The following USP32 variants were observed in gnomAD, a reference collection of about 807,000 sequenced individuals.
The protein encoded by USP32 is ubiquitin specific peptidase 32, also known as ubiquitin carboxyl-terminal hydrolase 32.
A neutral mutation model predicts 204.8 loss-of-function variants in USP32; 59 were observed. The ratio of observed to expected loss-of-function variants is 0.29; its 90% confidence interval spans 0.23 to 0.36. The LOEUF is 0.36. Among genes scored for constraint, USP32 ranks in the 10% least tolerant of loss-of-function variants. The pLI, the probability that USP32 is intolerant of heterozygous loss-of-function variation, is 1.00. For synonymous variants in USP32, 517 were observed against 678.4 expected, an observed-to-expected ratio of 0.76 and a Z score of 3.70; for missense variants, 1,160 against 1,946.4, an observed-to-expected ratio of 0.60 and a Z score of 7.60.
At chr17:60,294,323 G>T (rs531139159) in intron 4 of USP32, among the ~76,000 whole-genome samples, 37 of 152,096 alleles carry the variant, frequency 2.4e-4, no homozygotes, top group African/African-American at 7.7e-4. Context: ...ATGAATGAAT[G>T]ATATCCGTGA....
chr17:60,391,839 C>T, intron 1 of USP32, 43 bp downstream of exon 1: 2 of 1,589,226 alleles, frequency 1.3e-6, no homozygotes, highest in Non-Finnish European at 1.7e-6. Context: ...GGCTGCCCGT[C>T]GCGGGCCTCC....
intron 11 of USP32, among the ~76,000 whole-genome samples, chr17:60,243,954 T>C (rs1266109153): frequency 6.6e-6 from 1 of 152,036 alleles, no homozygotes; most frequent in Non-Finnish European, 1.5e-5. Flanking sequence ...CGTATGGCTA[T>C]ATTTGTATGG....
chr17:60,369,646 C>G lies in USP32; in HGVS notation c.58+22236G>C, dbSNP rs141648875. 1.9e-3 allele frequency among the ~76,000 whole-genome samples: 294 copies of G among 152,084 alleles called. 2 individuals are homozygous for G. Among genetic ancestry groups the G allele is most frequent in the African/African-American group, 6.0e-3 (248 of 41,480 alleles). On this transcript the variant is annotated intron_variant, in intron 1 of 33. Transcript: ENST00000300896. Reference sequence around the variant, plus strand: ...TTTAACTCATACACATTAAAAGTAGCAATACAAAACAAATAGCAATGTTAA... The same window carrying G: ...TTTAACTCATACACATTAAAAGTAGGAATACAAAACAAATAGCAATGTTAA...
intron 2 of USP32, among the ~76,000 whole-genome samples, chr17:60,344,556 C>T (rs528535530): frequency 7.2e-5 from 11 of 152,274 alleles, no homozygotes; most frequent in Non-Finnish European, 1.0e-4. Flanking sequence ...CTCAAGCAAT[C>T]CTCCTACTTC....
intron 5 of USP32, among the ~76,000 whole-genome samples, chr17:60,277,145 C>T (rs1489198305): frequency 2.0e-5 from 3 of 152,084 alleles, no homozygotes; most frequent in Non-Finnish European, 4.4e-5. Flanking sequence ...ATGAATTTAT[C>T]ACCCACCTAT....
At chr17:60,190,822 ACT>A (rs1320694492) in intron 28 of USP32, 139 bp from the exon 29 acceptor site, 6 of 1,216,086 alleles carry the variant, frequency 4.9e-6, no homozygotes, top group South Asian at 3.5e-5. Context: ...CTAACTTCAG[ACT>A]CTGATAAATG....
At chr17:60,281,962 A>G (rs2086977506) in intron 5 of USP32, among the ~76,000 whole-genome samples, 2 of 152,226 alleles carry the variant, frequency 1.3e-5, no homozygotes, top group Admixed American at 6.5e-5. Flanking sequence ...ATGCCATAGT[A>G]GACTTACGGC....
chr17:60,290,009 T>C (rs1016411798), intron 4 of USP32, among the ~76,000 whole-genome samples: 1 of 152,202 alleles, frequency 6.6e-6, no homozygotes, highest in Admixed American at 6.5e-5. Context: ...GTCTTGTTTT[T>C]CTGAATGGAA....
At chr17:60,209,663 T>C in intron 21 of USP32, 120 bp from the exon 22 acceptor site, 1 of 603,726 alleles carries the variant, frequency 1.7e-6, no homozygotes, top group Non-Finnish European at 2.7e-6. Context: ...TTAGTCTGCC[T>C]CTATTTCAAC....
chr17:60,222,642 A>T, intron 14 of USP32, 93 bp from the exon 15 acceptor site: 1 of 1,162,942 alleles, frequency 8.6e-7, no homozygotes, highest in Non-Finnish European at 1.2e-6. Flanking sequence ...AAACTCATAT[A>T]TCACCACCCA....
At chr17:60,228,101 C>T (rs1372900122) in intron 12 of USP32, among the ~76,000 whole-genome samples, 1 of 151,872 alleles carries the variant, frequency 6.6e-6, no homozygotes, top group African/African-American at 2.4e-5. Context: ...TCTCGGCTCA[C>T]AGCAACCTCC....
At chr17:60,393,704 G>C (rs929350100), upstream of USP32, among the ~76,000 whole-genome samples, 3 of 146,488 alleles carry the variant, frequency 2.0e-5, no homozygotes, top group African/African-American at 7.8e-5. Context: ...TTTTTTTTGA[G>C]ACGGAGTTTC....
chr17:60,336,490 CGGA>C (rs2088519286), intron 2 of USP32, among the ~76,000 whole-genome samples: 1 of 141,012 alleles, frequency 7.1e-6, no homozygotes, highest in Non-Finnish European at 1.5e-5. Context: ...CCGAGGCGGG[CGGA>C]TCACGAGGTC....
At chr17:60,343,227 A>AT in intron 2 of USP32, among the ~76,000 whole-genome samples, 1 of 152,244 alleles carries the variant, frequency 6.6e-6, no homozygotes, top group Non-Finnish European at 1.5e-5. Flanking sequence ...CCCACTGACA[A>AT]TATTAGACAG....
rs757642348 is a variant in USP32, at chr17:60,179,476, C to T, written c.4642-48G>A. On this transcript the variant is annotated intron_variant, in intron 33 of 33. Coordinates refer to ENST00000300896, the MANE Select transcript of USP32 (RefSeq NM_032582.4). ...TAACAAAAAGCCATCACTACTATGG[C>T]TCTAAATCCTTGCCAGGAAAGGGAA... The T allele has an allele frequency of 3.8e-6, 6 of 1,596,938 alleles. No homozygotes were observed. The East Asian group carries it at 1.3e-4, about 36-fold the overall frequency.
chr17:60,203,559 C>G lies in USP32; in HGVS notation c.3249+1888G>C, dbSNP rs369449397. Among the ~76,000 whole-genome samples the G allele has an allele frequency of 2.0e-4, 31 of 151,808 alleles. 2 individuals carry two copies. Among genetic ancestry groups the G allele is most frequent in the Admixed American group, 1.4e-3 (21 of 15,210 alleles). On this transcript the variant is annotated intron_variant, in intron 26 of 33. Transcript: ENST00000300896. The stretch of plus-strand genomic sequence containing the variant: ...ACAATCAATTTACTTGATCTAGAAG[C>G]CTTGCTTTCCTTTATTTTATTTATT...
intron 1 of USP32, among the ~76,000 whole-genome samples, chr17:60,410,468 A>G (rs1430628243): frequency 6.6e-6 from 1 of 152,040 alleles, no homozygotes; most frequent in Non-Finnish European, 1.5e-5. Context: ...GGAGATTGAG[A>G]CCATCTTGGC....
rs2084874220 is a variant in USP32 at position 60,208,078 on chromosome 17, A to G, written c.2906T>C (p.Val969Ala). 6.4e-7 allele frequency: 1 copy of G among 1,566,112 alleles called. No individual in the cohort carries two copies. The stretch of plus-strand genomic sequence containing the variant: ...TATTACCTTTATGTTGGAACCATGT[A>G]CTTCTGCTAGAAGGATTTGTTCTGA... ...LNSEQILLAE[V>A]HGSNIKNFPQ... The change falls in exon 24 of 34, where the codon GTA (valine) becomes GCA (alanine). Residue 969 changes from valine (V) to alanine (A), a missense_variant. Coordinates refer to ENST00000300896, the MANE Select transcript of USP32 (RefSeq NM_032582.4).
intron 2 of USP32, among the ~76,000 whole-genome samples, chr17:60,328,474 C>T (rs1465599793): frequency 6.6e-6 from 1 of 152,230 alleles, no homozygotes; most frequent in African/African-American, 2.4e-5. Context: ...CTCCTCTAAG[C>T]TGTTCTATTG....
Sources: allele counts gnomAD v4.1 joint callset (sites outside exome capture counted in the v4.1 genomes callset), GRCh38; gene constraint gnomAD v4.1.1; transcripts MANE v1.5; gene names NCBI Gene and HGNC (gene_info 2026-07-23, HGNC 2026-07-21).